FGF13: variants seen among roughly 807,000 people sequenced by gnomAD.
FGF13 encodes the protein fibroblast growth factor homologous factor 2.
Under a neutral mutation model 19.5 loss-of-function variants are expected in FGF13, and 2 were observed. That is an observed-to-expected ratio of 0.10 (90% CI 0.04 to 0.32). The LOEUF is 0.32. FGF13 is among the 10% of genes least tolerant of loss of function. FGF13 has a pLI of 1.00. For synonymous variants in FGF13, 72 were observed against 76.9 expected (o/e 0.94, Z 0.33); for missense variants, 113 against 192.7 (o/e 0.59, Z 2.45).
chrX:138,858,944 C>T (rs1474455977), intron 2 of FGF13, among the ~76,000 whole-genome samples: 1 of 111,536 alleles, frequency 9.0e-6, no homozygotes. Context: ...GAGTTTAGAA[C>T]AAGTTCTTAA....
At chrX:139,010,122 G>A (rs2092121652) in intron 1 of FGF13, among the ~76,000 whole-genome samples, 1 of 111,751 alleles carries the variant, frequency 8.9e-6, no homozygotes, top group African/African-American at 3.2e-5. Flanking sequence ...AAATATATAT[G>A]TGCCTAACAC....
intron 1 of FGF13, among the ~76,000 whole-genome samples, chrX:139,011,361 CAAAAAA>C (rs3047329): frequency 7.2e-5 from 6 of 82,920 alleles, no homozygotes; most frequent in Admixed American, 1.4e-4. Context: ...AACAAACAAA[CAAAAAA>C]AAAAAAAAAA....
chrX:138,637,623 A>T (rs1358243234), intron 3 of FGF13, among the ~76,000 whole-genome samples: 1 of 111,908 alleles, frequency 8.9e-6, no homozygotes, highest in African/African-American at 3.3e-5. Flanking sequence ...TTTTCTAAGG[A>T]TCCATTATGT....
intron 1 of FGF13, among the ~76,000 whole-genome samples, chrX:138,900,383 C>A (rs1326696681): frequency 1.8e-5 from 2 of 110,739 alleles, no homozygotes; most frequent in African/African-American, 6.6e-5. Context: ...TAATCTTCTC[C>A]ATCTCAATAA....
upstream of FGF13, among the ~76,000 whole-genome samples, chrX:138,742,956 A>G (rs1367660555): frequency 8.9e-6 from 1 of 111,763 alleles, no homozygotes; most frequent in African/African-American, 3.3e-5. Flanking sequence ...GGCCTCTTGT[A>G]TGCACTGATC....
At chrX:138,800,173 G>T (rs2090816536) in intron 3 of FGF13, among the ~76,000 whole-genome samples, 1 of 111,756 alleles carries the variant, frequency 8.9e-6, no homozygotes, top group African/African-American at 3.3e-5. Context: ...TATTGTCATT[G>T]ATCTTTATAT....
intron 1 of FGF13, among the ~76,000 whole-genome samples, chrX:138,892,069 C>A (rs776525891): frequency 1.9e-5 from 2 of 106,507 alleles, no homozygotes; most frequent in East Asian, 5.9e-4. Context: ...CTAAGAGAAC[C>A]CTGACTAATA....
intron 3 of FGF13, among the ~76,000 whole-genome samples, chrX:138,774,962 G>GCTTA (rs1014771035): frequency 8.9e-6 from 1 of 111,999 alleles, no homozygotes; most frequent in African/African-American, 3.2e-5. Flanking sequence ...TTTTTAAAAT[G>GCTTA]TTTATTTATT....
rs17510270 is a variant in FGF13 at position 138,635,469 on chromosome X, T to G, written c.589A>C (p.Lys197Gln). The change falls in exon 4 of 5, where the codon AAA becomes CAA. Residue 197 changes from lysine (K) to glutamine (Q), a missense_variant. By Grantham distance (53) the Lys-to-Gln change is moderately conservative. Around this residue, in one of 4 missense-constraint regions of FGF13, gnomAD observed 43 missense variants for 41.4 expected, o/e 1.04. Transcript: ENST00000315930. ...ATATCAAATGTACCTTTCAGTGGTTTAGGCAGAAAATGAGCTGCAGGCTTG... is the reference window on the plus strand; with the variant it reads ...ATATCAAATGTACCTTTCAGTGGTTGAGGCAGAAAATGAGCTGCAGGCTTG... Reference protein sequence around the residue: ...KNKPAAHFLPKPLKVAMYKEP... With the variant: ...KNKPAAHFLPQPLKVAMYKEP... 4.1e-5 allele frequency: 50 copies of G among 1,209,212 alleles called. No individual in the cohort carries two copies. The African/African-American group carries it at 7.0e-4, about 17-fold the overall frequency.
chrX:138,702,735 C>A (rs959349555), intron 3 of FGF13, among the ~76,000 whole-genome samples: 4 of 111,834 alleles, frequency 3.6e-5, no homozygotes, highest in Non-Finnish European at 5.6e-5. Flanking sequence ...ATAAGATGAC[C>A]CAAATGACAC....
intron 1 of FGF13, among the ~76,000 whole-genome samples, chrX:138,984,440 GAAT>G (rs1172851170): frequency 6.0e-5 from 6 of 100,039 alleles, no homozygotes. Context: ...GAAAGAAGAA[GAAT>G]AAGGAGGAGA....
At chrX:138,779,333 G>C (rs945682551) in intron 3 of FGF13, among the ~76,000 whole-genome samples, 1 of 112,166 alleles carries the variant, frequency 8.9e-6, no homozygotes, top group Non-Finnish European at 1.9e-5. Flanking sequence ...TTGACGAGCT[G>C]AGAGAAGAAG....
At chrX:138,782,192 A>C (rs1362928863) in intron 3 of FGF13, among the ~76,000 whole-genome samples, 2 of 112,498 alleles carry the variant, frequency 1.8e-5, no homozygotes, top group Non-Finnish European at 1.9e-5. Flanking sequence ...ACAAACCCAC[A>C]GCCAATATCA....
At chrX:138,763,565 T>C (rs1162955185) in intron 3 of FGF13, among the ~76,000 whole-genome samples, 1 of 112,235 alleles carries the variant, frequency 8.9e-6, no homozygotes, top group Non-Finnish European at 1.9e-5. Flanking sequence ...TGTTTTTGGA[T>C]TGAGTGTTCT....
intron 1 of FGF13, among the ~76,000 whole-genome samples, chrX:139,094,861 G>A (rs921307878): frequency 8.9e-6 from 1 of 111,812 alleles, no homozygotes; most frequent in Non-Finnish European, 1.9e-5. Flanking sequence ...ACACAGTGAC[G>A]GGTCTGGACC....
chrX:139,112,485 CAGTCTAACCTTA>C (rs2083610306), intron 1 of FGF13, among the ~76,000 whole-genome samples: 1 of 111,757 alleles, frequency 8.9e-6, no homozygotes, highest in African/African-American at 3.3e-5. Context: ...ACCATCACCA[CAGTCTAACCTTA>C]AGATATTATT....
At chrX:138,905,419 C>T (rs925931159) in intron 1 of FGF13, among the ~76,000 whole-genome samples, 2 of 111,786 alleles carry the variant, frequency 1.8e-5, no homozygotes, top group African/African-American at 6.5e-5. Flanking sequence ...ATAAACTATG[C>T]TCAGGATAAA....
chrX:139,183,237 T>C (rs2084254020), intron 1 of FGF13, among the ~76,000 whole-genome samples: 1 of 111,925 alleles, frequency 8.9e-6, no homozygotes, highest in Admixed American at 9.5e-5. Context: ...GCTGGAGCAA[T>C]AATTTTTCAC....
intron 1 of FGF13, among the ~76,000 whole-genome samples, chrX:139,116,254 A>T (rs1370129953): frequency 1.8e-5 from 2 of 112,589 alleles, no homozygotes; most frequent in Non-Finnish European, 3.7e-5. Flanking sequence ...TTCATTAAAA[A>T]TGTATAAATT....
Sources: gnomAD v4.1 joint callset for allele counts (sites outside exome capture counted in the v4.1 genomes callset) on GRCh38, gnomAD v4.1.1 for gene constraint, gnomAD v4.1.1 regional missense constraint, MANE v1.5 for transcripts, NCBI Gene and HGNC (gene_info 2026-07-23, HGNC 2026-07-21) for gene names.